SBF2: variants seen among roughly 807,000 people sequenced by gnomAD.
SBF2 encodes SET binding factor 2.
In SBF2, 112 loss-of-function variants were observed where a neutral mutation model predicts 225.2. That is an observed-to-expected ratio of 0.50 (90% CI 0.43 to 0.58). The LOEUF is 0.58. Ranked by LOEUF, SBF2 falls within the 20% of genes least tolerant of loss-of-function variation. SBF2 has a pLI of 0.00. For synonymous variants in SBF2, 763 were observed against 773.3 expected (o/e 0.99, Z 0.22); for missense variants, 1,996 against 2,206.2 (o/e 0.90, Z 1.91).
At chr11:10,205,192 TAAAC>T (rs139792158) in intron 1 of SBF2, among the ~76,000 whole-genome samples, 2,185 of 152,030 alleles carry the variant, frequency 0.014, 33 homozygotes, top group Non-Finnish European at 0.022. Context: ...TTAAAATAAA[TAAAC>T]AAATAAATAA....
chr11:9,893,561 T>C (rs942063140), intron 17 of SBF2, among the ~76,000 whole-genome samples: 2 of 152,226 alleles, frequency 1.3e-5, no homozygotes, highest in East Asian at 3.8e-4. Context: ...TGGTGGTGTG[T>C]GGGACCACAG....
intron 1 of SBF2, among the ~76,000 whole-genome samples, chr11:10,300,255 G>A (rs1032819819): frequency 3.9e-5 from 6 of 152,186 alleles, no homozygotes; most frequent in Non-Finnish European, 8.8e-5. Flanking sequence ...GTTGATGACT[G>A]CATTGGTGAT....
chr11:10,237,283 G>A (rs1959110465), intron 1 of SBF2, among the ~76,000 whole-genome samples: 2 of 152,136 alleles, frequency 1.3e-5, no homozygotes, highest in South Asian at 4.1e-4. Context: ...GGAGGCAGAG[G>A]TTGCAGTGAG....
intron 30 of SBF2, among the ~76,000 whole-genome samples, chr11:9,809,670 G>T (rs888551875): frequency 6.6e-6 from 1 of 150,820 alleles, no homozygotes; most frequent in Non-Finnish European, 1.5e-5. Flanking sequence ...TCAGCCTCCC[G>T]AGTAGCTTGG....
At chr11:9,826,994 C>T (rs544788341) in intron 28 of SBF2, among the ~76,000 whole-genome samples, 2 of 152,186 alleles carry the variant, frequency 1.3e-5, no homozygotes, top group East Asian at 1.9e-4. Context: ...TGCACCACCA[C>T]GCCTGGCTAA....
chr11:10,289,689 G>T (rs1964039637), intron 1 of SBF2, among the ~76,000 whole-genome samples: 1 of 152,244 alleles, frequency 6.6e-6, no homozygotes, highest in South Asian at 2.1e-4. Context: ...TACCCCTGAG[G>T]CACAGGAACC....
chr11:10,285,688 C>A (rs1963713754), intron 1 of SBF2, among the ~76,000 whole-genome samples: 1 of 152,198 alleles, frequency 6.6e-6, no homozygotes, highest in Admixed American at 6.5e-5. Context: ...AATTCTGTAA[C>A]CAGCACTCTC....
At chr11:9,878,266 T>A (rs1859449739) in intron 17 of SBF2, among the ~76,000 whole-genome samples, 1 of 152,244 alleles carries the variant, frequency 6.6e-6, no homozygotes, top group African/African-American at 2.4e-5. Flanking sequence ...TAAATTTCTT[T>A]AAGTTCTTTG....
intron 1 of SBF2, among the ~76,000 whole-genome samples, chr11:10,252,812 C>A (rs1408140878): frequency 7.0e-6 from 1 of 143,466 alleles, no homozygotes; most frequent in Non-Finnish European, 1.5e-5. Flanking sequence ...AAATGCGAGA[C>A]TCTGTCTCAA....
At chr11:10,123,872 T>G (rs989284735) in intron 2 of SBF2, among the ~76,000 whole-genome samples, 1 of 152,196 alleles carries the variant, frequency 6.6e-6, no homozygotes, top group Non-Finnish European at 1.5e-5. Flanking sequence ...TCAAACATGG[T>G]GTATTTACCT....
At chr11:10,204,503 G>C (rs1206909669) in intron 1 of SBF2, among the ~76,000 whole-genome samples, 2 of 151,896 alleles carry the variant, frequency 1.3e-5, no homozygotes, top group Non-Finnish European at 2.9e-5. Flanking sequence ...GCTGGGTGTG[G>C]TGGCAGGCTC....
intron 2 of SBF2, among the ~76,000 whole-genome samples, chr11:10,111,760 C>A (rs1952864381): frequency 6.6e-6 from 1 of 152,128 alleles, no homozygotes; most frequent in African/African-American, 2.4e-5. Flanking sequence ...GCCTGTAATC[C>A]CAGCTACTCA....
intron 16 of SBF2, among the ~76,000 whole-genome samples, chr11:9,899,730 G>A (rs1232844136): frequency 6.6e-6 from 1 of 152,004 alleles, no homozygotes; most frequent in Non-Finnish European, 1.5e-5. Flanking sequence ...AGTCAATATG[G>A]TCCCCATTTC....
chr11:10,080,196 C>T (rs1398295359), intron 2 of SBF2, among the ~76,000 whole-genome samples: 2 of 143,576 alleles, frequency 1.4e-5, no homozygotes, highest in Admixed American at 7.4e-5. Context: ...TGCAGTGAGC[C>T]GAGGTCACAC....
chr11:10,189,551 C>A (rs1437845715), intron 2 of SBF2, among the ~76,000 whole-genome samples: 2 of 152,112 alleles, frequency 1.3e-5, no homozygotes. Flanking sequence ...GGAATACAAG[C>A]TCTTTTTCCT....
Position 9,998,422 on chromosome 11 carries a change from T to A in SBF2, c.862-43A>T, listed in dbSNP as rs765900707. On this transcript the variant is annotated intron_variant, in intron 8 of 39. Transcript: ENST00000256190. ...ATTAACCTATAATTACCAAAATACA[T>A]TTGTTGTTAAGCAAATTATTTTTCC... The A allele has an allele frequency of 3.7e-6, 4 of 1,083,846 alleles. No homozygotes were observed. In the Admixed American group the frequency reaches 5.4e-5, roughly 15 times the overall value. The allele number at this position is 1,083,846 out of a possible 1,614,324, so 67.1% of individuals were successfully genotyped here. A position where few individuals can be genotyped will look rare whatever the true frequency, so the allele number is the denominator to read the frequency against.
At position 9,993,020 on chromosome 11, in the gene SBF2, A is replaced by G; in HGVS notation, c.1137T>C (p.Ile379=). 6.2e-7 allele frequency: 1 copy of G among 1,612,142 alleles called. No homozygotes were observed. Among genetic ancestry groups the G allele is most frequent in the South Asian group, 1.1e-5 (1 of 91,070 alleles). The change falls in exon 11 of 40, where the codon ATT becomes ATC. Residue 379 remains isoleucine, a synonymous_variant. Coordinates refer to ENST00000256190, the MANE Select transcript of SBF2 (RefSeq NM_030962.4). ...GGAAATGTATTACTGGCTCTGCATG[A>G]ATTCTTATAAGTTGCAGGCAGGATC... ...GYRSCLQLIR[I]HAEPVIHFHK...
At chr11:9,994,899 T>C (rs1392328428) in intron 9 of SBF2, among the ~76,000 whole-genome samples, 1 of 151,968 alleles carries the variant, frequency 6.6e-6, no homozygotes, top group African/African-American at 2.4e-5. Flanking sequence ...TAGCCAGGCA[T>C]GGTGGCACAT....
intron 1 of SBF2, among the ~76,000 whole-genome samples, chr11:10,227,059 A>G (rs1455819384): frequency 3.3e-5 from 5 of 151,992 alleles, no homozygotes; most frequent in Admixed American, 2.6e-4. Flanking sequence ...TTTGATTTGC[A>G]TTTCTCTGAT....
Sources: gnomAD v4.1 joint callset for allele counts (sites outside exome capture counted in the v4.1 genomes callset) on GRCh38, gnomAD v4.1.1 for gene constraint, MANE v1.5 for transcripts, NCBI Gene and HGNC (gene_info 2026-07-23, HGNC 2026-07-21) for gene names.